SF3A3: variants seen among roughly 807,000 people sequenced by gnomAD.
SF3A3 encodes the protein splicing factor 3a subunit 3.
A neutral mutation model predicts 85.8 loss-of-function variants in SF3A3; 9 were observed. The observed-to-expected ratio is 0.10, with a 90% CI of 0.06 to 0.18. The LOEUF is 0.18. SF3A3 is among the 10% of genes least tolerant of loss of function. The pLI, the probability that SF3A3 is intolerant of heterozygous loss-of-function variation, is 1.00. For synonymous variants in SF3A3, 195 were observed against 204.4 expected (o/e 0.95, Z 0.39); for missense variants, 306 against 593.3 (o/e 0.52, Z 5.03).
chr1:37,982,667 C>T (rs761491497), intron 6 of SF3A3, among the ~76,000 whole-genome samples: 12 of 152,102 alleles, frequency 7.9e-5, no homozygotes, highest in Admixed American at 2.6e-4. Context: ...CCACCGCGCC[C>T]GGCCTGTGAT....
chr1:37,982,089 A>G (rs1310948377), intron 6 of SF3A3, among the ~76,000 whole-genome samples: 1 of 152,122 alleles, frequency 6.6e-6, no homozygotes. Flanking sequence ...GTCGATTATT[A>G]CCTCATGCTA....
At chr1:37,963,432 A>G (rs1195393938) in intron 15 of SF3A3, among the ~76,000 whole-genome samples, 1 of 152,208 alleles carries the variant, frequency 6.6e-6, no homozygotes, top group Non-Finnish European at 1.5e-5. Context: ...GATGGGTAGA[A>G]ATAATACAAC....
At chr1:37,963,721 T>C (rs1316170680) in intron 15 of SF3A3, among the ~76,000 whole-genome samples, 1 of 151,190 alleles carries the variant, frequency 6.6e-6, no homozygotes, top group Non-Finnish European at 1.5e-5. Flanking sequence ...AACGTCCGAC[T>C]AATTTTTTGT....
At chr1:37,981,312 G>C (rs1268356912) in intron 7 of SF3A3, among the ~76,000 whole-genome samples, 1 of 152,150 alleles carries the variant, frequency 6.6e-6, no homozygotes, top group East Asian at 1.9e-4. Flanking sequence ...GAGAAAAAGA[G>C]GGGAAGGGTA....
intron 8 of SF3A3, among the ~76,000 whole-genome samples, 193 bp downstream of exon 8, chr1:37,980,393 C>A (rs1243471977): frequency 6.6e-6 from 1 of 151,780 alleles, no homozygotes; most frequent in Admixed American, 6.6e-5. Flanking sequence ...CATTGTACTC[C>A]AGCCTGGGCA....
At chr1:37,984,460 A>C (rs1467439087) in intron 5 of SF3A3, among the ~76,000 whole-genome samples, 200 bp from the exon 6 acceptor site, 1 of 152,228 alleles carries the variant, frequency 6.6e-6, no homozygotes, top group Non-Finnish European at 1.5e-5. Flanking sequence ...GGACTGACTC[A>C]TTTTAGTATT....
At chr1:37,987,734 A>G in intron 3 of SF3A3, 50 bp downstream of exon 3, 1 of 1,600,850 alleles carries the variant, frequency 6.2e-7, no homozygotes, top group Non-Finnish European at 8.6e-7. Context: ...TCCTCTAACC[A>G]TGGCTCCTCA....
chr1:37,986,760 C>T (rs1207137125), intron 4 of SF3A3, among the ~76,000 whole-genome samples: 3 of 119,892 alleles, frequency 2.5e-5, no homozygotes, highest in Non-Finnish European at 4.7e-5. Context: ...TGCAGTGAGC[C>T]GAGATCATGC....
intron 14 of SF3A3, among the ~76,000 whole-genome samples, chr1:37,968,780 A>G (rs567875520): frequency 3.0e-4 from 45 of 152,264 alleles, no homozygotes; most frequent in African/African-American, 1.1e-3. Flanking sequence ...GTTCATATAA[A>G]TTTGTCATCC....
intron 12 of SF3A3, among the ~76,000 whole-genome samples, chr1:37,972,841 T>C (rs1035435275): frequency 3.3e-5 from 5 of 152,190 alleles, no homozygotes; most frequent in Non-Finnish European, 5.9e-5. Flanking sequence ...TGAAACTGGA[T>C]TCCTTCCTTA....
In SF3A3 at chr1:37,964,334, A is replaced by G. The variant is rs535769518; in HGVS notation, c.1372+3710T>C. Among the ~76,000 whole-genome samples, 32 of 151,798 alleles carry G rather than the reference A, an allele frequency of 2.1e-4. 1 individual carries two copies. In the South Asian group the frequency reaches 6.0e-3, roughly 29 times the overall value. Reference sequence around the variant, plus strand: ...TGTGGAAAGAGGAAAGACTGTTTTAAGACACACGTGTTGTAATCCCAGCAC... The same window carrying G: ...TGTGGAAAGAGGAAAGACTGTTTTAGGACACACGTGTTGTAATCCCAGCAC... On this transcript the variant is annotated intron_variant, in intron 15 of 16. Transcript: ENST00000373019.
At chr1:37,962,690 T>C (rs1375740051) in intron 15 of SF3A3, among the ~76,000 whole-genome samples, 1 of 151,746 alleles carries the variant, frequency 6.6e-6, no homozygotes, top group Non-Finnish European at 1.5e-5. Context: ...AGAGGGCTCT[T>C]TCTTAGCTTT....
rs368021918 is a variant in SF3A3, at chr1:37,981,794, T to G, written c.486A>C (p.Thr162=). 3.8e-6 allele frequency: 6 copies of G among 1,586,718 alleles called. No homozygotes were observed. The African/African-American group carries it at 8.1e-5, about 21-fold the overall frequency. Reference sequence around the variant, plus strand: ...ATAATTGGTCAAAGATGGACAGGTATGTGATATAATCCAGCTTCTGAAAAG... The same window carrying G: ...ATAATTGGTCAAAGATGGACAGGTAGGTGATATAATCCAGCTTCTGAAAAG... The part of the protein sequence containing the change: ...LKASEKLDYI[T]YLSIFDQLFD... The change falls in exon 7 of 17, where the codon ACA becomes ACC. Residue 162 remains threonine, a synonymous_variant. Transcript: ENST00000373019.
At chr1:37,976,016 C>A (rs530124264) in intron 12 of SF3A3, among the ~76,000 whole-genome samples, 1 of 151,960 alleles carries the variant, frequency 6.6e-6, no homozygotes. Context: ...ACTAGTCGGG[C>A]GTGGTGGCGC....
At chr1:37,958,751 A>G (rs1362049144) in intron 16 of SF3A3, among the ~76,000 whole-genome samples, 3 of 152,178 alleles carry the variant, frequency 2.0e-5, no homozygotes, top group Non-Finnish European at 4.4e-5. Context: ...TACAAGTGGA[A>G]GAGAGTTTTG....
chr1:37,973,832 A>C (rs755178307), intron 12 of SF3A3, among the ~76,000 whole-genome samples: 61 of 152,232 alleles, frequency 4.0e-4, no homozygotes, highest in Non-Finnish European at 6.9e-4. Flanking sequence ...GAACCAACCC[A>C]AATGTCCATC....
chr1:37,981,597 C>T (rs1466175500), intron 7 of SF3A3, 132 bp downstream of exon 7: 2 of 694,390 alleles, frequency 2.9e-6, no homozygotes, highest in Non-Finnish European at 5.1e-6. Flanking sequence ...TTCATAACCC[C>T]ATCCTCCAAT....
At chr1:37,973,526 A>G (rs1249089903) in intron 12 of SF3A3, among the ~76,000 whole-genome samples, 1 of 152,224 alleles carries the variant, frequency 6.6e-6, no homozygotes, top group African/African-American at 2.4e-5. Context: ...CAAAACCACA[A>G]TGAGATACCA....
intron 16 of SF3A3, among the ~76,000 whole-genome samples, chr1:37,959,727 A>G (rs562885828): frequency 1.3e-5 from 2 of 152,098 alleles, no homozygotes; most frequent in South Asian, 4.2e-4. Flanking sequence ...ACAGGCGTGC[A>G]TGGGTGGATC....
Sources: allele counts gnomAD v4.1 joint callset (sites outside exome capture counted in the v4.1 genomes callset), GRCh38; gene constraint gnomAD v4.1.1; transcripts MANE v1.5; gene names NCBI Gene and HGNC (gene_info 2026-07-23, HGNC 2026-07-21).